Variants in LRRTM4 observed in about 807,000 individuals in gnomAD.
The protein encoded by LRRTM4 is leucine-rich repeat transmembrane neuronal protein 4.
A neutral mutation model predicts 47.6 loss-of-function variants in LRRTM4; 25 were observed. The observed-to-expected ratio is 0.53, with a 90% CI of 0.38 to 0.73. The LOEUF (loss-of-function observed/expected upper bound fraction) is 0.73, where lower values mean the gene tolerates loss of function less well. Among genes scored for constraint, LRRTM4 ranks in the 30% least tolerant of loss-of-function variants. The pLI, the probability that LRRTM4 is intolerant of heterozygous loss-of-function variation, is 0.00. For synonymous variants in LRRTM4, 311 were observed against 269.5 expected (o/e 1.15, Z -1.51); for missense variants, 638 against 713.4 (o/e 0.89, Z 1.20).
intron 3 of LRRTM4, among the ~76,000 whole-genome samples, chr2:76,975,818 CTTAT>C (rs201443770): frequency 0.011 from 1,629 of 151,734 alleles, 16 homozygotes; most frequent in African/African-American, 0.021. Flanking sequence ...CTTATACTCT[CTTAT>C]TTATTTATTT....
At chr2:77,225,581 G>C (rs1674782623) in intron 3 of LRRTM4, among the ~76,000 whole-genome samples, 1 of 152,044 alleles carries the variant, frequency 6.6e-6, no homozygotes, top group African/African-American at 2.4e-5. Flanking sequence ...ATGGAATAGT[G>C]TTACTCTCAC....
chr2:77,260,374 C>CAT (rs1553418000), intron 3 of LRRTM4, among the ~76,000 whole-genome samples: 10 of 140,500 alleles, frequency 7.1e-5, no homozygotes, highest in East Asian at 2.1e-4. Flanking sequence ...ACCAAAAAAT[C>CAT]GTGTGTGTGT....
chr2:77,303,161 G>T (rs1251856157), intron 3 of LRRTM4, among the ~76,000 whole-genome samples: 1 of 151,790 alleles, frequency 6.6e-6, no homozygotes, highest in Non-Finnish European at 1.5e-5. Context: ...GAAATTTTTA[G>T]TCATCTGCTT....
chr2:77,242,657 C>T (rs112128267), intron 3 of LRRTM4, among the ~76,000 whole-genome samples: 105 of 150,208 alleles, frequency 7.0e-4, no homozygotes, highest in African/African-American at 2.4e-3. Context: ...AAAAACAAAC[C>T]AAAACAAAAT....
At chr2:76,790,887 C>G (rs1054590401) in intron 3 of LRRTM4, among the ~76,000 whole-genome samples, 1 of 152,140 alleles carries the variant, frequency 6.6e-6, no homozygotes, top group Admixed American at 6.5e-5. Flanking sequence ...CTGACTGAAT[C>G]CCACAGCAGG....
chr2:77,082,734 GAA>G (rs1296312144), intron 3 of LRRTM4, among the ~76,000 whole-genome samples: 3 of 151,946 alleles, frequency 2.0e-5, no homozygotes, highest in Non-Finnish European at 2.9e-5. Flanking sequence ...TAATGTCAGA[GAA>G]AAAAAGTCTA....
At chr2:76,849,006 C>T (rs1291312799) in intron 3 of LRRTM4, among the ~76,000 whole-genome samples, 3 of 152,082 alleles carry the variant, frequency 2.0e-5, no homozygotes, top group East Asian at 1.9e-4. Context: ...CCCTGTTATA[C>T]CAGATTTCTC....
intron 3 of LRRTM4, among the ~76,000 whole-genome samples, chr2:77,472,640 A>G (rs946112909): frequency 1.2e-4 from 18 of 152,066 alleles, no homozygotes; most frequent in Admixed American, 2.6e-4. Flanking sequence ...ATATCAATTG[A>G]CCTTCTCAAA....
chr2:77,220,301 C>T (rs1054948806), intron 3 of LRRTM4, among the ~76,000 whole-genome samples: 1 of 152,320 alleles, frequency 6.6e-6, no homozygotes, highest in African/African-American at 2.4e-5. Flanking sequence ...CAGAGCACCT[C>T]TCCTCCTCCA....
At chr2:77,104,463 T>C (rs1218301263) in intron 3 of LRRTM4, among the ~76,000 whole-genome samples, 1 of 152,320 alleles carries the variant, frequency 6.6e-6, no homozygotes, top group East Asian at 1.9e-4. Context: ...GCAGTGGTGA[T>C]ATAGATTTTA....
chr2:77,139,777 C>T (rs532002466), intron 3 of LRRTM4, among the ~76,000 whole-genome samples: 75 of 152,232 alleles, frequency 4.9e-4, no homozygotes, highest in Admixed American at 1.0e-3. Flanking sequence ...TCAGCAAAGT[C>T]TCAGGATACA....
At chr2:77,094,118 AC>A (rs1558577158) in intron 3 of LRRTM4, among the ~76,000 whole-genome samples, 3 of 152,332 alleles carry the variant, frequency 2.0e-5, no homozygotes, top group African/African-American at 7.2e-5. Flanking sequence ...TGGTAAAGAT[AC>A]AAAAATCAGT....
chr2:77,147,705 C>G (rs1438972343), intron 3 of LRRTM4, among the ~76,000 whole-genome samples: 1 of 152,126 alleles, frequency 6.6e-6, no homozygotes, highest in Non-Finnish European at 1.5e-5. Flanking sequence ...AAAACTCCCC[C>G]TTGGATGTAA....
intron 3 of LRRTM4, among the ~76,000 whole-genome samples, chr2:77,295,408 T>C (rs1676940984): frequency 6.6e-6 from 1 of 152,148 alleles, no homozygotes; most frequent in African/African-American, 2.4e-5. Flanking sequence ...TATAGATAGT[T>C]AGGAGCTCTT....
chr2:77,171,952 T>C (rs1673059916), intron 3 of LRRTM4, among the ~76,000 whole-genome samples: 1 of 152,174 alleles, frequency 6.6e-6, no homozygotes, highest in Non-Finnish European at 1.5e-5. Flanking sequence ...CAGTTATACA[T>C]GAATGAATCA....
At chr2:77,501,939 CA>C (rs1451908754) in intron 3 of LRRTM4, among the ~76,000 whole-genome samples, 1 of 150,844 alleles carries the variant, frequency 6.6e-6, no homozygotes, top group Non-Finnish European at 1.5e-5. Context: ...CAAATCATTG[CA>C]AAAAAATTTA....
intron 3 of LRRTM4, among the ~76,000 whole-genome samples, chr2:77,104,488 T>C (rs978085122): frequency 6.6e-6 from 1 of 152,180 alleles, no homozygotes; most frequent in Non-Finnish European, 1.5e-5. Context: ...TTGTAGGTAT[T>C]CCTTTAGGAC....
chr2:77,173,327 G>C (rs1673106739), intron 3 of LRRTM4, among the ~76,000 whole-genome samples: 2 of 152,042 alleles, frequency 1.3e-5, no homozygotes, highest in East Asian at 3.9e-4. Context: ...GAGAAAGAAG[G>C]CTTCCATTTA....
chr2:77,153,210 C>T (rs1672475095), intron 3 of LRRTM4, among the ~76,000 whole-genome samples: 1 of 152,128 alleles, frequency 6.6e-6, no homozygotes, highest in African/African-American at 2.4e-5. Flanking sequence ...TAACGAGGTA[C>T]TGAGGTGTGT....
Sources: allele counts gnomAD v4.1 joint callset (sites outside exome capture counted in the v4.1 genomes callset), GRCh38; gene constraint gnomAD v4.1.1; transcripts MANE v1.5; gene names NCBI Gene and HGNC (gene_info 2026-07-23, HGNC 2026-07-21).